DGKA: variants seen among roughly 807,000 people sequenced by gnomAD.
DGKA encodes 80 kDa diacylglycerol kinase.
DGKA carries 35 observed loss-of-function variants against 105.0 expected under a neutral mutation model. That is an observed-to-expected ratio of 0.33 (90% CI 0.25 to 0.44). The LOEUF is 0.44. Ranked by LOEUF, DGKA falls within the 20% of genes least tolerant of loss-of-function variation. DGKA has a pLI of 1.00. For missense variants in DGKA, 665 were observed against 915.0 expected, an observed-to-expected ratio of 0.73 and a Z score of 3.53; for synonymous variants, 296 against 332.0, an observed-to-expected ratio of 0.89 and a Z score of 1.18.
At chr12:55,943,451 T>A (rs1371238287) in intron 17 of DGKA, 1 of 152,086 alleles carries the variant, frequency 6.6e-6, no homozygotes, top group Non-Finnish European at 1.5e-5. Context: ...AATTTTTGTA[T>A]TTTTAGTAGA....
chr12:55,953,784 C>T lies in DGKA; in HGVS notation c.*16C>T. ...CTTGAGCTAAGGGGGACACCCTTGG[C>T]CTCCAAGCCAGCCTTGAACCCACCT... On this transcript the variant is annotated 3_prime_UTR_variant, in exon 24 of 24. Coordinates refer to ENST00000331886, the MANE Select transcript of DGKA (RefSeq NM_001345.5). The T allele has an allele frequency of 6.2e-7, 1 of 1,613,024 alleles. No individual in the cohort carries two copies. Among genetic ancestry groups the T allele is most frequent in the Non-Finnish European group, 8.5e-7 (1 of 1,178,996 alleles).
upstream of DGKA, chr12:55,930,311 G>A (rs1883344256): frequency 2.0e-5 from 3 of 148,126 alleles, no homozygotes; most frequent in South Asian, 2.2e-4. Context: ...TTTGCTAACA[G>A]TGAAGAAAAT....
intron 17 of DGKA, among the ~76,000 whole-genome samples, chr12:55,951,021 G>T (rs935836351): frequency 5.9e-5 from 9 of 152,202 alleles, no homozygotes; most frequent in Admixed American, 1.3e-4. Flanking sequence ...GGATGTTTGG[G>T]GTATGGATGG....
chr12:55,935,889 G>C (rs1435193091), intron 1 of DGKA: 12 of 986,252 alleles, frequency 1.2e-5, no homozygotes, highest in African/African-American at 1.7e-5. Flanking sequence ...GTGGGTGGCT[G>C]AGCGGAGCTG....
At chr12:55,937,290 T>C in intron 3 of DGKA, 118 bp from the exon 4 acceptor site, 1 of 1,323,456 alleles carries the variant, frequency 7.6e-7, no homozygotes, top group Non-Finnish European at 1.1e-6. Context: ...GAAACCATAC[T>C]CCTGCCTCAG....
intron 2 of DGKA, 86 bp downstream of exon 2, chr12:55,936,653 C>A: frequency 6.3e-7 from 1 of 1,575,480 alleles, no homozygotes; most frequent in Non-Finnish European, 8.7e-7. Flanking sequence ...TGCCCCCCAG[C>A]TTCCTCAGTG....
In DGKA at chr12:55,942,181, T is replaced by C; in HGVS notation, c.1344T>C (p.Ala448=). ...CTTCACCTGCCTCCGCAGACAAAGC[T>C]AACTTGCCAGTTTTGCCTCCTGTTG... ...VGWILETIDK[A]NLPVLPPVAV... The change falls in exon 17 of 24, where the codon GCT becomes GCC. Residue 448 remains alanine, a synonymous_variant. Coordinates refer to ENST00000331886, the MANE Select transcript of DGKA (RefSeq NM_001345.5). 2 of 1,614,232 alleles carry C rather than the reference T, an allele frequency of 1.2e-6. No homozygotes were observed. The highest frequency in any genetic ancestry group is 1.7e-6 in the Non-Finnish European group (2 of 1,180,036).
Position 55,953,869 on chromosome 12 carries a change from C to A in DGKA, c.*101C>A. ...CATTGCTGCCACATACTCCTGCCAG[C>A]TTGGGGGAGTGTTCCTTCACCCTCA... is the stretch of plus-strand genomic sequence containing the variant. On this transcript the variant is annotated 3_prime_UTR_variant, in exon 24 of 24. Transcript: ENST00000331886. The A allele has an allele frequency of 9.7e-7, 1 of 1,035,558 alleles. No individual in the cohort carries two copies. The highest frequency in any genetic ancestry group is 1.5e-6 in the Non-Finnish European group (1 of 681,760). The allele number at this position is 1,035,558 out of a possible 1,614,324, so 64.1% of individuals were successfully genotyped here. A position where few individuals can be genotyped will look rare whatever the true frequency, so the allele number is the denominator to read the frequency against.
chr12:55,939,978 C>T (rs1885560128), intron 9 of DGKA, 104 bp from the exon 10 acceptor site: 1 of 1,062,078 alleles, frequency 9.4e-7, no homozygotes, highest in African/African-American at 1.6e-5. Context: ...TCTGCTACAC[C>T]CTCAAGCAAG....
upstream of DGKA, chr12:55,930,947 A>G (rs561850346): frequency 6.6e-6 from 1 of 152,246 alleles, no homozygotes; most frequent in South Asian, 2.1e-4. Flanking sequence ...AAGTATGTAT[A>G]TATTATGTGT....
intron 3 of DGKA, 93 bp downstream of exon 3, chr12:55,937,183 T>C: frequency 7.1e-7 from 1 of 1,407,130 alleles, no homozygotes; most frequent in Non-Finnish European, 1.0e-6. Context: ...GGCCTGCCCC[T>C]CACTATCCCC....
rs1276104542 is a variant in DGKA, at chr12:55,940,880, C to A, written c.1018-17C>A. 6.2e-7 allele frequency: 1 copy of A among 1,613,548 alleles called. No individual in the cohort carries two copies. The highest frequency in any genetic ancestry group is 2.2e-5 in the East Asian group (1 of 44,880). On this transcript the variant is annotated splice_polypyrimidine_tract_variant and intron_variant, in intron 12 of 23. Transcript: ENST00000331886. This position sits in a 1 kb window ranked among gnomAD's most constrained non-coding sequence, Gnocchi z 4.3. ...CACAATACAGCTTTTCTTCCCTCTA[C>A]TTTCTTCCCCTCCCAGGCCTCTGGA...
At chr12:55,941,474 G>C in intron 14 of DGKA, 36 bp from the exon 15 acceptor site, 2 of 1,611,150 alleles carry the variant, frequency 1.2e-6, no homozygotes, top group Non-Finnish European at 1.7e-6. Flanking sequence ...CCCAACCCCC[G>C]CGCCTGCCAT....
chr12:55,949,823 TTC>T (rs1887781868), intron 17 of DGKA, among the ~76,000 whole-genome samples: 1 of 152,190 alleles, frequency 6.6e-6, no homozygotes, highest in Admixed American at 6.5e-5. Context: ...TGTTTTTTGT[TTC>T]TTTCTTTGTT....
intron 17 of DGKA, among the ~76,000 whole-genome samples, chr12:55,947,204 C>T (rs950052769): frequency 3.9e-5 from 6 of 152,186 alleles, no homozygotes; most frequent in Admixed American, 2.6e-4. Context: ...AGGCTGGTCT[C>T]GAACTCCTGA....
intron 17 of DGKA, chr12:55,942,551 G>C (rs1202375188): frequency 2.6e-6 from 1 of 391,720 alleles, no homozygotes; most frequent in African/African-American, 2.0e-5. Context: ...ATATGGGGGT[G>C]GGGAACAATG....
chr12:55,943,757 C>T (rs1035002844), intron 17 of DGKA, among the ~76,000 whole-genome samples: 2 of 151,940 alleles, frequency 1.3e-5, no homozygotes, highest in Non-Finnish European at 2.9e-5. Context: ...TCTGAGTGCT[C>T]ATTATAACTT....
intron 5 of DGKA, 39 bp from the exon 6 acceptor site, chr12:55,938,472 C>G: frequency 1.2e-6 from 2 of 1,613,244 alleles, no homozygotes; most frequent in Non-Finnish European, 1.7e-6. Flanking sequence ...TTGGGTATCT[C>G]TCACAAACTG....
intron 17 of DGKA, among the ~76,000 whole-genome samples, chr12:55,946,752 G>A (rs931617553): frequency 2.0e-5 from 3 of 152,170 alleles, no homozygotes; most frequent in Admixed American, 6.5e-5. Flanking sequence ...AAAGAGAAAG[G>A]AAAGTCCCTC....
Sources: gnomAD v4.1 joint callset for allele counts (sites outside exome capture counted in the v4.1 genomes callset) on GRCh38, gnomAD v4.1.1 for gene constraint, Gnocchi (gnomAD v3.1) non-coding constraint, MANE v1.5 for transcripts, NCBI Gene and HGNC (gene_info 2026-07-23, HGNC 2026-07-21) for gene names.